The following LRP2 variants were observed in gnomAD, a reference collection of about 807,000 sequenced individuals.
LRP2 encodes low-density lipoprotein receptor-related protein 2.
Under a neutral mutation model 531.0 loss-of-function variants are expected in LRP2, and 172 were observed. The observed-to-expected ratio is 0.32, with a 90% CI of 0.29 to 0.37. The LOEUF is 0.37. LRP2 is among the 10% of genes least tolerant of loss of function. The pLI is 1.00. For synonymous variants in LRP2, 1,992 were observed against 2,027.6 expected (o/e 0.98, Z 0.47); for missense variants, 5,167 against 5,868.3 (o/e 0.88, Z 3.90).
At chr2:169,226,333 C>T (rs915404836) in intron 32 of LRP2, 89 bp downstream of exon 32, 1 of 1,060,810 alleles carries the variant, frequency 9.4e-7, no homozygotes, top group Non-Finnish European at 1.4e-6. Context: ...CTTTTACTCA[C>T]ATGACAAAAG....
intron 15 of LRP2, among the ~76,000 whole-genome samples, chr2:169,271,338 T>C (rs1574206103): frequency 6.6e-6 from 1 of 152,034 alleles, no homozygotes; most frequent in Non-Finnish European, 1.5e-5. Flanking sequence ...TCCTAAGAAA[T>C]GTATCCTTAA....
chr2:169,340,810 G>A (rs935301279), intron 1 of LRP2, among the ~76,000 whole-genome samples: 3 of 152,168 alleles, frequency 2.0e-5, no homozygotes, highest in Non-Finnish European at 2.9e-5. Context: ...CCAGAGTAGA[G>A]CATGCCTATT....
intron 33 of LRP2, among the ~76,000 whole-genome samples, chr2:169,221,796 C>A (rs186407086): frequency 6.6e-6 from 1 of 152,060 alleles, no homozygotes; most frequent in Non-Finnish European, 1.5e-5. Flanking sequence ...ACTAAGGTAG[C>A]TTTTCTTTTC....
rs1352895046 is a variant in LRP2 at position 169,173,159 on chromosome 2, G to T, written c.11080C>A (p.Pro3694Thr). 1 of 1,614,116 alleles carries T rather than the reference G, an allele frequency of 6.2e-7. No homozygotes were observed. Among genetic ancestry groups the T allele is most frequent in the South Asian group, 1.1e-5 (1 of 91,082 alleles). ...ACACCATTGCACACGGCCCACTTTG[G>T]GATGCAGCGGTAATTTGTTTTGCAG... Reference protein sequence around the residue: ...FSCKTNYRCIPKWAVCNGVDD... With the variant: ...FSCKTNYRCITKWAVCNGVDD... Residue 3694 changes from proline to threonine, a missense_variant, in exon 57 of 79, where the codon CCA (proline) becomes ACA (threonine). Coordinates refer to ENST00000649046, the MANE Select transcript of LRP2 (RefSeq NM_004525.3).
At chr2:169,136,119 A>G (rs893196103) in intron 76 of LRP2, among the ~76,000 whole-genome samples, 4 of 151,944 alleles carry the variant, frequency 2.6e-5, no homozygotes, top group Admixed American at 6.6e-5. Flanking sequence ...TACTTTTTCA[A>G]TTCATACAAA....
At chr2:169,131,254 AGTGTGTGT>A (rs3835382) in intron 77 of LRP2, among the ~76,000 whole-genome samples, 6,308 of 148,592 alleles carry the variant, frequency 0.042, 183 homozygotes, top group African/African-American at 0.09. Context: ...TGAGTGTATG[AGTGTGTGT>A]GTGTGTGTGT....
rs1559054220 is a variant in LRP2, at chr2:169,279,412, A to G, written c.1525T>C (p.Leu509=). Residue 509 remains leucine, a synonymous_variant, in exon 12 of 79, where the codon TTG becomes CTG. Coordinates refer to ENST00000649046, the MANE Select transcript of LRP2 (RefSeq NM_004525.3). ...ACGGCAATTCCTCTAGGATGCCCCA[A>G]GTTTTCAGTTATAAGGGTAACCCGA... ...SYRVTLITEN[L]GHPRGIAVDP... The G allele has an allele frequency of 6.2e-7, 1 of 1,613,966 alleles. No individual in the cohort carries two copies. Among genetic ancestry groups the G allele is most frequent in the East Asian group, 2.2e-5 (1 of 44,878 alleles).
intron 34 of LRP2, among the ~76,000 whole-genome samples, chr2:169,219,709 C>T (rs1688919522): frequency 6.6e-6 from 1 of 152,044 alleles, no homozygotes; most frequent in African/African-American, 2.4e-5. Context: ...GGGAGGAGGG[C>T]ATGGGTTGAA....
rs1447688378 is a variant in LRP2, at chr2:169,225,419, T to C, written c.5429A>G (p.Asn1810Ser). The C allele has an allele frequency of 1.2e-6, 2 of 1,613,930 alleles. No homozygotes were observed. The highest frequency in any genetic ancestry group is 1.3e-5 in the African/African-American group (1 of 74,910). Residue 1810 changes from asparagine (N) to serine (S), a missense_variant, in exon 33 of 79, where the codon AAC becomes AGC. Transcript: ENST00000649046. ...EIHRVKTDGT[N>S]RTVFASISMV... is the part of the protein sequence containing the mutation. ...AGATATAGAAGCAAATACTGTCCTG[T>C]TGGTGCCATCTGTCTTCACTCTGTG...
intron 1 of LRP2, among the ~76,000 whole-genome samples, chr2:169,339,974 T>A (rs140956083): frequency 8.3e-4 from 126 of 152,302 alleles, no homozygotes; most frequent in African/African-American, 2.8e-3. Flanking sequence ...ATCTATATGG[T>A]ATGCATCTGT....
chr2:169,318,928 C>T (rs1246004103), intron 2 of LRP2, 44 bp from the exon 3 acceptor site: 1 of 1,612,230 alleles, frequency 6.2e-7, no homozygotes, highest in African/African-American at 1.3e-5. Flanking sequence ...ATCATCCTCC[C>T]CATTATACTA....
chr2:169,138,410 C>T (rs1214217426), intron 75 of LRP2, among the ~76,000 whole-genome samples, 167 bp downstream of exon 75: 1 of 152,190 alleles, frequency 6.6e-6, no homozygotes, highest in Non-Finnish European at 1.5e-5. Flanking sequence ...TGTTTTTAGA[C>T]ACCTTTCAGC....
chr2:169,362,278 G>A, intron 1 of LRP2, 43 bp downstream of exon 1: 2 of 1,497,022 alleles, frequency 1.3e-6, no homozygotes. Context: ...TGCCACAGCC[G>A]GGGAAGTGGG....
At chr2:169,256,694 C>G (rs772591242) in intron 18 of LRP2, among the ~76,000 whole-genome samples, 1 of 151,976 alleles carries the variant, frequency 6.6e-6, no homozygotes, top group Non-Finnish European at 1.5e-5. Context: ...AAAGTCCTCC[C>G]AAAGTGCATG....
chr2:169,326,477 C>T (rs1354105192), intron 1 of LRP2, among the ~76,000 whole-genome samples: 2 of 151,540 alleles, frequency 1.3e-5, no homozygotes, highest in East Asian at 2.0e-4. Flanking sequence ...CTTGGCCTCC[C>T]GAGGTGCCGG....
chr2:169,233,067 A>T (rs931801428), intron 30 of LRP2, among the ~76,000 whole-genome samples: 1 of 152,204 alleles, frequency 6.6e-6, no homozygotes, highest in African/African-American at 2.4e-5. Flanking sequence ...GCTGCTTTCA[A>T]TCAGAGTGGT....
rs544154209 is a variant in LRP2, at chr2:169,302,513, T to C, written c.427+4768A>G. ...ATTTTGGATTGTCACGACTGGGCAA[T>C]GCTACAGACATCTAGTGGATAGAGG... On this transcript the variant is annotated intron_variant, in intron 4 of 78. Transcript: ENST00000649046. Among the ~76,000 whole-genome samples, 5 of 152,224 alleles carry C rather than the reference T, an allele frequency of 3.3e-5. 1 individual carries two copies. The South Asian group carries it at 1.0e-3, about 32-fold the overall frequency.
chr2:169,283,332 T>A (rs957946009), intron 9 of LRP2, among the ~76,000 whole-genome samples: 3 of 152,234 alleles, frequency 2.0e-5, no homozygotes, highest in African/African-American at 7.2e-5. Context: ...TTCCCTTCAA[T>A]ACTATGCTTT....
intron 14 of LRP2, among the ~76,000 whole-genome samples, chr2:169,273,345 T>C (rs773596835): frequency 6.6e-6 from 1 of 152,118 alleles, no homozygotes; most frequent in Non-Finnish European, 1.5e-5. Context: ...TGTCAGAGTA[T>C]GTCTGCTATC....
Sources: allele counts gnomAD v4.1 joint callset (sites outside exome capture counted in the v4.1 genomes callset), GRCh38; gene constraint gnomAD v4.1.1; transcripts MANE v1.5; gene names NCBI Gene and HGNC (gene_info 2026-07-23, HGNC 2026-07-21).